MAPKAP1: variants seen among roughly 807,000 people sequenced by gnomAD.
MAPKAP1 encodes MAPK associated protein 1.
Under a neutral mutation model 65.7 loss-of-function variants are expected in MAPKAP1, and 20 were observed. The ratio of observed to expected loss-of-function variants is 0.30; its 90% CI spans 0.21 to 0.44. MAPKAP1 has a LOEUF of 0.44. Ranked by LOEUF, MAPKAP1 falls within the 20% of genes least tolerant of loss-of-function variation. MAPKAP1 has a pLI of 1.00. For missense variants in MAPKAP1, 423 were observed against 648.0 expected, an observed-to-expected ratio of 0.65 and a Z score of 3.77; for synonymous variants, 222 against 244.3, an observed-to-expected ratio of 0.91 and a Z score of 0.85.
intron 5 of MAPKAP1, among the ~76,000 whole-genome samples, chr9:125,575,050 G>A (rs1206649184): frequency 6.6e-6 from 1 of 152,164 alleles, no homozygotes; most frequent in African/African-American, 2.4e-5. Flanking sequence ...CTCCTATGAA[G>A]AATAACTCAA....
At chr9:125,451,117 T>C (rs1368207903) in intron 10 of MAPKAP1, 1 of 152,244 alleles carries the variant, frequency 6.6e-6, no homozygotes, top group African/African-American at 2.4e-5. Flanking sequence ...CCTGTAAACA[T>C]AATTAAATCT....
chr9:125,661,372 T>C (rs1834179380), intron 3 of MAPKAP1, among the ~76,000 whole-genome samples: 1 of 152,188 alleles, frequency 6.6e-6, no homozygotes, highest in Non-Finnish European at 1.5e-5. Context: ...CATACAACTA[T>C]TCTCTGCGGT....
chr9:125,704,316 C>T (rs1835694402), intron 1 of MAPKAP1, among the ~76,000 whole-genome samples: 1 of 152,192 alleles, frequency 6.6e-6, no homozygotes, highest in South Asian at 2.1e-4. Flanking sequence ...ATAACACCTT[C>T]TCACACGAGA....
intron 7 of MAPKAP1, among the ~76,000 whole-genome samples, chr9:125,542,069 T>G (rs980279570): frequency 4.6e-5 from 7 of 152,140 alleles, no homozygotes; most frequent in African/African-American, 1.7e-4. Context: ...TCTCTCTCTC[T>G]CTTTTTTATG....
intron 8 of MAPKAP1, chr9:125,506,102 T>C: frequency 1.6e-6 from 1 of 612,672 alleles, no homozygotes; most frequent in South Asian, 1.8e-5. Flanking sequence ...CACAGAGTGC[T>C]AAACAGGATG....
intron 8 of MAPKAP1, among the ~76,000 whole-genome samples, chr9:125,487,615 TA>T (rs35665829): frequency 0.015 from 1,866 of 126,814 alleles, 17 homozygotes; most frequent in Non-Finnish European, 0.022. Context: ...TGCCAATTAC[TA>T]AAAAAAAAAA....
intron 10 of MAPKAP1, among the ~76,000 whole-genome samples, chr9:125,465,508 A>C (rs894418042): frequency 2.6e-5 from 4 of 152,246 alleles, no homozygotes; most frequent in Non-Finnish European, 5.9e-5. Context: ...TGGAAATCAT[A>C]AAACACATAA....
chr9:125,588,011 T>C (rs956876747), intron 4 of MAPKAP1, among the ~76,000 whole-genome samples: 1 of 152,182 alleles, frequency 6.6e-6, no homozygotes, highest in Non-Finnish European at 1.5e-5. Flanking sequence ...TGTTCGGCAG[T>C]TTCTCAAAAA....
Position 125,555,742 on chromosome 9 carries a change from T to A in MAPKAP1, c.848+3891A>T, listed in dbSNP as rs28662468. ...TTCCTAGTCTTCAAGAAGTTAATGGTCTTGCTACTAACTCAGAGGATGTGT... is the reference window on the plus strand; with the variant it reads ...TTCCTAGTCTTCAAGAAGTTAATGGACTTGCTACTAACTCAGAGGATGTGT... On this transcript the variant is annotated intron_variant, in intron 6 of 11. Coordinates refer to ENST00000265960, the MANE Select transcript of MAPKAP1 (RefSeq NM_001006617.3). 9.9e-3 allele frequency among the ~76,000 whole-genome samples: 1,508 copies of A among 152,302 alleles called. 20 individuals are homozygous for A. Among genetic ancestry groups the A allele is most frequent in the African/African-American group, 0.034 (1,432 of 41,560 alleles).
At chr9:125,460,742 G>A (rs1853464614) in intron 10 of MAPKAP1, among the ~76,000 whole-genome samples, 1 of 152,232 alleles carries the variant, frequency 6.6e-6, no homozygotes, top group African/African-American at 2.4e-5. Context: ...AGAGTAAGAT[G>A]TTAGGTTTCC....
chr9:125,491,984 A>C (rs923277341), intron 8 of MAPKAP1, among the ~76,000 whole-genome samples: 13 of 149,828 alleles, frequency 8.7e-5, no homozygotes, highest in African/African-American at 2.9e-4. Context: ...TGAGGCCAGG[A>C]GTTGAAGAGC....
chr9:125,583,234 C>T (rs956153851), intron 5 of MAPKAP1, among the ~76,000 whole-genome samples: 2 of 152,236 alleles, frequency 1.3e-5, no homozygotes, highest in Non-Finnish European at 2.9e-5. Context: ...ATGCCCTCCT[C>T]TCAACCTCTC....
intron 7 of MAPKAP1, among the ~76,000 whole-genome samples, chr9:125,536,956 A>G (rs1207656585): frequency 6.6e-6 from 1 of 152,286 alleles, no homozygotes; most frequent in African/African-American, 2.4e-5. Context: ...AATTACAAAA[A>G]GAATTCCTGG....
At chr9:125,535,336 G>T (rs1310950199) in intron 7 of MAPKAP1, among the ~76,000 whole-genome samples, 1 of 152,122 alleles carries the variant, frequency 6.6e-6, no homozygotes, top group Non-Finnish European at 1.5e-5. Context: ...TTTCAAGTAG[G>T]ACTCCCTTAC....
intron 6 of MAPKAP1, among the ~76,000 whole-genome samples, chr9:125,556,637 C>A (rs1830743292): frequency 6.6e-6 from 1 of 152,114 alleles, no homozygotes; most frequent in Non-Finnish European, 1.5e-5. Flanking sequence ...ACTTCTTGTC[C>A]CTCCTCTACT....
chr9:125,595,973 T>C lies in MAPKAP1; in HGVS notation c.499-10246A>G. 1.3e-6 allele frequency: 2 copies of C among 1,518,826 alleles called. No homozygotes were observed. Among genetic ancestry groups the C allele is most frequent in the Non-Finnish European group, 1.8e-6 (2 of 1,109,020 alleles). 94.1% of individuals were successfully genotyped at this position (1,518,826 alleles called of 1,614,324 possible). ...CTCAAAGACCAGGTGCCCACTTAAC[T>C]GTGAAAAAGATATTTGTTGGTGGCA... On this transcript the variant is annotated intron_variant, in intron 4 of 11. Coordinates refer to ENST00000265960, the MANE Select transcript of MAPKAP1 (RefSeq NM_001006617.3). This position sits in a 1 kb window ranked among gnomAD's most constrained non-coding sequence, Gnocchi z 4.0.
At chr9:125,606,559 G>C (rs774667118) in intron 4 of MAPKAP1, among the ~76,000 whole-genome samples, 1 of 152,062 alleles carries the variant, frequency 6.6e-6, no homozygotes, top group East Asian at 1.9e-4. Context: ...TACTGTCCTC[G>C]CACATTCCCT....
chr9:125,652,250 G>C (rs1207982271), intron 4 of MAPKAP1: 2 of 1,258,172 alleles, frequency 1.6e-6, no homozygotes, highest in South Asian at 1.4e-5. Flanking sequence ...ACATAGACTG[G>C]AACAATGCTG....
At chr9:125,616,311 T>C (rs538975178) in intron 4 of MAPKAP1, among the ~76,000 whole-genome samples, 1 of 152,284 alleles carries the variant, frequency 6.6e-6, no homozygotes, top group East Asian at 1.9e-4. Context: ...AGGGTAAAGA[T>C]TTCTTAGAAC....
Sources: allele counts gnomAD v4.1 joint callset (sites outside exome capture counted in the v4.1 genomes callset), GRCh38; gene constraint gnomAD v4.1.1; non-coding constraint Gnocchi (gnomAD v3.1); transcripts MANE v1.5; gene names NCBI Gene and HGNC (gene_info 2026-07-23, HGNC 2026-07-21).